GBF1: variants seen among roughly 807,000 people sequenced by gnomAD.
GBF1 encodes golgi brefeldin A resistant guanine nucleotide exchange factor 1, also known as Golgi-specific brefeldin A-resistance guanine nucleotide exchange factor 1.
In GBF1, 114 loss-of-function variants were observed where a neutral mutation model predicts 210.5. The ratio of observed to expected loss-of-function variants is 0.54; its 90% confidence interval spans 0.47 to 0.63. The LOEUF is 0.63. Ranked by LOEUF, GBF1 falls within the 30% of genes least tolerant of loss-of-function variation. The pLI is 0.00. For missense variants in GBF1, 1,851 were observed against 2,357.7 expected (o/e 0.79, Z 4.45); for synonymous variants, 850 against 889.2 (o/e 0.96, Z 0.78).
intron 1 of GBF1, among the ~76,000 whole-genome samples, chr10:102,258,588 AC>A (rs979113803): frequency 6.6e-6 from 1 of 150,802 alleles, no homozygotes; most frequent in African/African-American, 2.4e-5. Flanking sequence ...CCTGACCAAC[AC>A]AGAGAAACCC....
chr10:102,281,900 ATTCTTT>A (rs2075520745), intron 3 of GBF1, among the ~76,000 whole-genome samples: 1 of 150,044 alleles, frequency 6.7e-6, no homozygotes, highest in Non-Finnish European at 1.5e-5. Flanking sequence ...GTTTGCCTGT[ATTCTTT>A]TTCTTTTCTT....
chr10:102,329,207 A>G (rs1286482525), intron 3 of GBF1, among the ~76,000 whole-genome samples: 1 of 152,184 alleles, frequency 6.6e-6, no homozygotes, highest in Non-Finnish European at 1.5e-5. Flanking sequence ...TGCTTTCAGT[A>G]AGACAGATGG....
chr10:102,364,372 G>A (rs1326595930), intron 17 of GBF1, among the ~76,000 whole-genome samples: 1 of 151,008 alleles, frequency 6.6e-6, no homozygotes, highest in East Asian at 2.0e-4. Context: ...CTACAGGCGT[G>A]TGCCACCATG....
At chr10:102,345,059 G>A (rs2058442375) in intron 4 of GBF1, among the ~76,000 whole-genome samples, 1 of 152,016 alleles carries the variant, frequency 6.6e-6, no homozygotes, top group Non-Finnish European at 1.5e-5. Context: ...CAAGGCGGGT[G>A]GATCACGAGG....
intron 3 of GBF1, among the ~76,000 whole-genome samples, chr10:102,289,524 A>T (rs117016725): frequency 0.024 from 3,729 of 152,312 alleles, 81 homozygotes; most frequent in Non-Finnish European, 0.038. Flanking sequence ...CAGGTGTTTG[A>T]GACTAGCCTG....
At position 102,262,131 on chromosome 10, in the gene GBF1, C is replaced by T. The variant is rs568714949; in HGVS notation, c.163+2015C>T. 3.3e-5 allele frequency among the ~76,000 whole-genome samples: 5 copies of T among 152,248 alleles called. No homozygotes were observed. In the South Asian group the frequency reaches 1.0e-3, roughly 32 times the overall value. Reference sequence around the variant, plus strand: ...AACTTCTGACCTCAAGTGATCCGCCCACCTTGGCCTCCCAACCATATTTTC... The same window carrying T: ...AACTTCTGACCTCAAGTGATCCGCCTACCTTGGCCTCCCAACCATATTTTC... On this transcript the variant is annotated intron_variant, in intron 3 of 39. Transcript: ENST00000369983.
At chr10:102,231,620 C>T in the GBF1 span, 1 of 1,610,416 alleles carries the variant, frequency 6.2e-7, no homozygotes, top group Non-Finnish European at 8.5e-7. Flanking sequence ...TTGGTCCACA[C>T]GGCGATCTCC....
chr10:102,268,076 C>T (rs2074042833), intron 3 of GBF1, among the ~76,000 whole-genome samples: 1 of 152,102 alleles, frequency 6.6e-6, no homozygotes, highest in South Asian at 2.1e-4. Flanking sequence ...TTGATTTTGC[C>T]ATTTCTTTTT....
At chr10:102,364,944 G>A (rs1335121801) in intron 17 of GBF1, among the ~76,000 whole-genome samples, 1 of 152,166 alleles carries the variant, frequency 6.6e-6, no homozygotes, top group Non-Finnish European at 1.5e-5. Context: ...GCCGTGACTG[G>A]ACATACAGAA....
chr10:102,337,105 G>A (rs971361748), intron 3 of GBF1, among the ~76,000 whole-genome samples: 6 of 151,354 alleles, frequency 4.0e-5, no homozygotes, highest in African/African-American at 4.9e-5. Flanking sequence ...CGGGCTGGGC[G>A]AGGTGGCTCA....
chr10:102,368,884 T>C (rs1383860611), intron 23 of GBF1, 52 bp downstream of exon 23: 5 of 1,240,668 alleles, frequency 4.0e-6, no homozygotes, highest in African/African-American at 2.9e-5. Flanking sequence ...GGACCTCTCT[T>C]TTAGCCATGG....
intron 7 of GBF1, 99 bp downstream of exon 7, chr10:102,352,617 G>T (rs957086156): frequency 1.3e-6 from 1 of 781,978 alleles, no homozygotes; most frequent in Non-Finnish European, 2.3e-6. Flanking sequence ...CCCCACAGCC[G>T]CATCAGAGGC....
chr10:102,354,180 G>A (rs1163257276), intron 8 of GBF1, among the ~76,000 whole-genome samples: 3 of 152,086 alleles, frequency 2.0e-5, no homozygotes, highest in East Asian at 3.9e-4. Context: ...TGGACTTCAC[G>A]GGCCTCTGAT....
chr10:102,286,805 C>T (rs1366158419), intron 3 of GBF1, among the ~76,000 whole-genome samples: 1 of 152,242 alleles, frequency 6.6e-6, no homozygotes, highest in East Asian at 1.9e-4. Context: ...ACATATATCT[C>T]TGGGGATAAA....
intron 3 of GBF1, among the ~76,000 whole-genome samples, chr10:102,337,160 C>T (rs1475240781): frequency 4.6e-5 from 7 of 151,742 alleles, no homozygotes; most frequent in African/African-American, 2.4e-5. Context: ...GGGCGGATCA[C>T]GAGGTCAGGA....
chr10:102,379,939 C>A lies in GBF1; in HGVS notation c.4863C>A (p.Ser1621=). 6.2e-7 allele frequency: 1 copy of A among 1,606,850 alleles called. No homozygotes were observed. Reference sequence around the variant, plus strand: ...TGGAGGAGACCCGGATGAGGGCTTCCACATTGCTCTCTAAGGTACTGCTCA... The same window carrying A: ...TGGAGGAGACCCGGATGAGGGCTTCAACATTGCTCTCTAAGGTACTGCTCA... The part of the protein sequence containing the change: ...GGMEETRMRA[S]TLLSKVFLQH... The change falls in exon 36 of 40, where the codon TCC becomes TCA. Residue 1621 remains serine, a synonymous_variant. Coordinates refer to ENST00000369983, the MANE Select transcript of GBF1 (RefSeq NM_001377137.1).
At chr10:102,257,488 G>GT (rs1343731421) in intron 1 of GBF1, among the ~76,000 whole-genome samples, 2 of 151,434 alleles carry the variant, frequency 1.3e-5, no homozygotes, top group Non-Finnish European at 2.9e-5. Flanking sequence ...TTTTAGTTTT[G>GT]TTTTTTTGGT....
chr10:102,356,766 C>CAAA (rs761159635), intron 8 of GBF1, among the ~76,000 whole-genome samples: 5 of 84,550 alleles, frequency 5.9e-5, no homozygotes, highest in Admixed American at 2.3e-4. Flanking sequence ...GACTCTGTCT[C>CAAA]AAAAAAAAAA....
upstream of GBF1, among the ~76,000 whole-genome samples, chr10:102,243,810 G>A (rs1412387279): frequency 2.0e-5 from 3 of 152,112 alleles, no homozygotes; most frequent in African/African-American, 4.8e-5. Context: ...GGTTCTTCAC[G>A]TCTGATATCT....
Sources: allele counts gnomAD v4.1 joint callset (sites outside exome capture counted in the v4.1 genomes callset), GRCh38; gene constraint gnomAD v4.1.1; transcripts MANE v1.5; gene names NCBI Gene and HGNC (gene_info 2026-07-23, HGNC 2026-07-21).